Variants in XNDC1N observed in about 807,000 individuals in gnomAD.
The protein encoded by XNDC1N is XRCC1 N-terminal domain containing 1, N-terminal like.
the XNDC1N span, among the ~76,000 whole-genome samples, chr11:71,912,135 C>T: frequency 2.8e-3 from 430 of 152,284 alleles, no homozygotes; most frequent in Non-Finnish European, 4.6e-3. Flanking sequence ...CTTGCCAAAA[C>T]GGTGAGGCAG....
chr11:71,871,678 TAATA>T, the XNDC1N span, among the ~76,000 whole-genome samples: 6 of 152,304 alleles, frequency 3.9e-5, no homozygotes, highest in East Asian at 7.7e-4. Flanking sequence ...AATAATTTGT[TAATA>T]AATAAGATAA....
the XNDC1N span, chr11:71,904,062 C>T: frequency 1.2e-4 from 61 of 522,840 alleles, no homozygotes; most frequent in East Asian, 2.8e-3. Flanking sequence ...CCTTCATCTA[C>T]AGCCTGAGAA....
At chr11:71,890,789 T>A in the XNDC1N span, among the ~76,000 whole-genome samples, 1 of 151,966 alleles carries the variant, frequency 6.6e-6, no homozygotes, top group South Asian at 2.1e-4. Flanking sequence ...TTTGATATCA[T>A]CCTCTTCCCC....
the XNDC1N span, among the ~76,000 whole-genome samples, chr11:71,883,780 T>C: frequency 6.6e-6 from 1 of 152,206 alleles, no homozygotes; most frequent in African/African-American, 2.4e-5. Context: ...TAGGCTCCTG[T>C]CCATATCTCA....
At chr11:71,901,339 C>T in the XNDC1N span, among the ~76,000 whole-genome samples, 5 of 152,140 alleles carry the variant, frequency 3.3e-5, no homozygotes, top group Admixed American at 6.5e-5. Context: ...TGGCTCACGC[C>T]TGTAATCCCA....
the XNDC1N span, among the ~76,000 whole-genome samples, chr11:71,896,933 T>A: frequency 2.4e-4 from 37 of 152,292 alleles, no homozygotes; most frequent in African/African-American, 8.9e-4. Flanking sequence ...CTTCTCACCT[T>A]TATGTTCACA....
chr11:71,917,571 CTG>C, the XNDC1N span: 5 of 703,736 alleles, frequency 7.1e-6, no homozygotes, highest in Middle Eastern at 2.3e-4. Flanking sequence ...TACTGCATCT[CTG>C]TTTCTCATAA....
At chr11:71,884,829 GC>G in the XNDC1N span, among the ~76,000 whole-genome samples, 1 of 151,488 alleles carries the variant, frequency 6.6e-6, no homozygotes, top group Non-Finnish European at 1.5e-5. Flanking sequence ...AGCCCCTTTT[GC>G]CCCCCTGGCT....
At chr11:71,868,703 C>T in the XNDC1N span, among the ~76,000 whole-genome samples, 6 of 152,070 alleles carry the variant, frequency 3.9e-5, no homozygotes, top group African/African-American at 7.3e-5. Flanking sequence ...TCTCTAGCTG[C>T]CTTTAATACT....
chr11:71,887,977 G>T, the XNDC1N span, among the ~76,000 whole-genome samples: 1 of 152,178 alleles, frequency 6.6e-6, no homozygotes, highest in Non-Finnish European at 1.5e-5. Flanking sequence ...CTTGGACCGG[G>T]CTTCCCCAAG....
At chr11:71,908,104 T>A in the XNDC1N span, among the ~76,000 whole-genome samples, 1 of 152,134 alleles carries the variant, frequency 6.6e-6, no homozygotes, top group African/African-American at 2.4e-5. Flanking sequence ...ATATAACAGG[T>A]GGGTATACAC....
chr11:71,877,449 C>T, the XNDC1N span, among the ~76,000 whole-genome samples: 2 of 152,162 alleles, frequency 1.3e-5, no homozygotes, highest in Non-Finnish European at 2.9e-5. Flanking sequence ...ACCAGCCTGG[C>T]CAACATGGCA....
the XNDC1N span, among the ~76,000 whole-genome samples, chr11:71,882,522 T>C: frequency 1.3e-5 from 2 of 152,232 alleles, no homozygotes; most frequent in African/African-American, 4.8e-5. Context: ...CAGGCCACCA[T>C]GCCCAGCCTA....
the XNDC1N span, among the ~76,000 whole-genome samples, chr11:71,870,039 C>T: frequency 2.6e-5 from 4 of 152,158 alleles, no homozygotes; most frequent in Non-Finnish European, 5.9e-5. Context: ...AGCAAAATTA[C>T]GTCTTACGTG....
the XNDC1N span, among the ~76,000 whole-genome samples, chr11:71,888,497 G>A: frequency 2.0e-5 from 3 of 152,260 alleles, no homozygotes; most frequent in South Asian, 4.2e-4. Context: ...CCCAGCCCTG[G>A]GGCTACCCGA....
chr11:71,916,043 C>T, the XNDC1N span: 1 of 689,672 alleles, frequency 1.4e-6, no homozygotes, highest in Non-Finnish European at 2.6e-6. Flanking sequence ...GAAGGGAAAA[C>T]ATTAAATCCT....
the XNDC1N span, among the ~76,000 whole-genome samples, chr11:71,909,775 T>G: frequency 6.6e-6 from 1 of 152,228 alleles, no homozygotes; most frequent in African/African-American, 2.4e-5. Flanking sequence ...TCATCAGTTT[T>G]GGTACATGCC....
the XNDC1N span, chr11:71,915,940 C>T: frequency 5.0e-6 from 3 of 595,564 alleles, no homozygotes; most frequent in South Asian, 4.1e-5. Flanking sequence ...GTATCAAGCC[C>T]GTTGATACTT....
chr11:71,890,527 G>A, the XNDC1N span, among the ~76,000 whole-genome samples: 17 of 152,156 alleles, frequency 1.1e-4, no homozygotes, highest in African/African-American at 3.1e-4. Flanking sequence ...CACAAGGGGC[G>A]TGTACACACA....
Sources: gnomAD v4.1 joint callset for allele counts (sites outside exome capture counted in the v4.1 genomes callset) on GRCh38, gnomAD v4.1.1 for gene constraint, MANE v1.5 for transcripts, NCBI Gene and HGNC (gene_info 2026-07-23, HGNC 2026-07-21) for gene names.